L1TD1: variants seen among roughly 807,000 people sequenced by gnomAD.
L1TD1 encodes LINE-1 type transposase domain-containing protein 1.
Under a neutral mutation model 25.7 loss-of-function variants are expected in L1TD1, and 26 were observed. That is an observed-to-expected ratio of 1.01 (90% CI 0.74 to 1.40). L1TD1 has a LOEUF of 1.40. L1TD1 is among the 40% of genes most tolerant of loss of function. L1TD1 has a pLI of 0.00. For synonymous variants in L1TD1, 421 were observed against 335.6 expected (o/e 1.25, Z -2.78); for missense variants, 1,130 against 975.0 (o/e 1.16, Z -2.12).
Position 62,205,433 on chromosome 1 carries a change from A to ATTT in L1TD1, c.-110-1085_-110-1084insTTT, listed in dbSNP as rs1161372604. 4.5e-4 allele frequency among the ~76,000 whole-genome samples: 18 copies of ATTT among 40,076 alleles called. 1 individual carries two copies. The highest frequency in any genetic ancestry group is 1.2e-3 in the Admixed American group (4 of 3,418). The allele number at this position is 40,076 out of a possible 152,430, so 26.3% of individuals were successfully genotyped here. ...TCTCTCTCTCTATATATATATATAT[A>ATTT]TATATATATATTTTTTTTTAGACAG... On this transcript the variant is annotated intron_variant, in intron 2 of 3. Transcript: ENST00000498273.
chr1:62,210,172 AACT>A lies in L1TD1; in HGVS notation c.1402_1404del (p.Thr468del). On this transcript the variant is annotated inframe_deletion, in exon 4 of 4. Transcript: ENST00000498273. ...TTGAGATAACCAGTGATGGCATGGA[AACT>A]ACTTTCATTGACTCTGTAGAGGATT... is the stretch of plus-strand genomic sequence containing the variant. The A allele has an allele frequency of 6.2e-7, 1 of 1,614,072 alleles. No homozygotes were observed. Among genetic ancestry groups the A allele is most frequent in the African/African-American group, 1.3e-5 (1 of 75,034 alleles).
intron 2 of L1TD1, among the ~76,000 whole-genome samples, chr1:62,199,160 G>T (rs1245352267): frequency 6.6e-6 from 1 of 152,024 alleles, no homozygotes; most frequent in South Asian, 2.1e-4. Flanking sequence ...TGTGAAAAAG[G>T]TCACATATAT....
intron 2 of L1TD1, among the ~76,000 whole-genome samples, chr1:62,199,525 T>TA (rs1368623292): frequency 6.6e-6 from 1 of 151,472 alleles, no homozygotes. Flanking sequence ...CAGCATTTGA[T>TA]ACAGTTAACA....
Position 62,210,019 on chromosome 1 carries a change from GGAA to G in L1TD1, c.1257_1259del (p.Glu420del), listed in dbSNP as rs137939193. The G allele has an allele frequency of 4.7e-4, 756 of 1,600,278 alleles. 3 individuals are homozygous for G. In the African/African-American group the frequency reaches 7.0e-3, roughly 15 times the overall value. ...AGGAAGAGCCCTCAGGGCTGGAGGA[GGAA>G]GAAGAAGAAGAGGCTTCAGGGTTGG... is the stretch of plus-strand genomic sequence containing the variant. On this transcript the variant is annotated inframe_deletion, in exon 4 of 4. Transcript: ENST00000498273.
intron 2 of L1TD1, among the ~76,000 whole-genome samples, chr1:62,198,362 G>A (rs1228056814): frequency 1.3e-5 from 2 of 151,386 alleles, no homozygotes; most frequent in Non-Finnish European, 2.9e-5. Flanking sequence ...CCTGTACGTT[G>A]TGAGAGATAC....
chr1:62,199,503 A>AAAAAT (rs1224606701), intron 2 of L1TD1, among the ~76,000 whole-genome samples: 5 of 151,792 alleles, frequency 3.3e-5, no homozygotes, highest in Admixed American at 1.3e-4. Flanking sequence ...TGTATCAAAA[A>AAAAAT]AAAAAAAAAA....
chr1:62,196,159 G>A (rs895206565), intron 1 of L1TD1, among the ~76,000 whole-genome samples: 2 of 152,136 alleles, frequency 1.3e-5, no homozygotes, highest in Non-Finnish European at 2.9e-5. Flanking sequence ...AATTGCAAAA[G>A]GAAAGCGTGC....
In L1TD1 at chr1:62,202,494, C is replaced by T. The variant is rs367700941; in HGVS notation, c.-110-4025C>T. On this transcript the variant is annotated intron_variant, in intron 2 of 3. Coordinates refer to ENST00000498273, the MANE Select transcript of L1TD1 (RefSeq NM_019079.5). ...AAGTTACTTTGTGATAAATGAGTGC[C>T]GTGTTTTTTAAACAATTTTTTGTAA... 1.8e-4 allele frequency among the ~76,000 whole-genome samples: 27 copies of T among 150,570 alleles called. No homozygotes were observed. The East Asian group carries it at 4.5e-3, about 25-fold the overall frequency.
rs766106791 is a variant in L1TD1, at chr1:62,210,041, G to A, written c.1267G>A (p.Gly423Arg). 6.2e-6 allele frequency: 10 copies of A among 1,612,850 alleles called. No homozygotes were observed. In the South Asian group the frequency reaches 7.7e-5, roughly 12 times the overall value. ...LEEEEEEEAS[G>R]LEEDEASGLE... Reference sequence around the variant, plus strand: ...GGAGGAAGAAGAAGAAGAGGCTTCAGGGTTGGAGGAGGATGAGGCCTCAGG... The same window carrying A: ...GGAGGAAGAAGAAGAAGAGGCTTCAAGGTTGGAGGAGGATGAGGCCTCAGG... The change falls in exon 4 of 4, where the codon GGG becomes AGG. Residue 423 changes from glycine (G) to arginine (R), a missense_variant. By Grantham distance (125) the Gly-to-Arg change is moderately radical. Transcript: ENST00000498273.
intron 2 of L1TD1, among the ~76,000 whole-genome samples, chr1:62,201,833 G>A (rs961990910): frequency 6.6e-6 from 1 of 152,146 alleles, no homozygotes; most frequent in Non-Finnish European, 1.5e-5. Context: ...TAGGGGGAGC[G>A]TACATTGCAT....
rs1243440233 is a variant in L1TD1 at position 62,207,173 on chromosome 1, A to T, written c.545A>T (p.Asp182Val). Residue 182 changes from aspartate to valine, a missense_variant, in exon 3 of 4, where the codon GAT (aspartate) becomes GTT (valine). Coordinates refer to ENST00000498273, the MANE Select transcript of L1TD1 (RefSeq NM_019079.5). ...GSMEETLCNI[D>V]DRDGNRNVHL... Reference sequence around the variant, plus strand: ...ATGGAAGAAACCTTATGCAATATAGATGACAGAGATGGAAATCGCAATGTC... The same window carrying T: ...ATGGAAGAAACCTTATGCAATATAGTTGACAGAGATGGAAATCGCAATGTC... 1 of 1,554,832 alleles carries T rather than the reference A, an allele frequency of 6.4e-7. No individual in the cohort carries two copies. Among genetic ancestry groups the T allele is most frequent in the Non-Finnish European group, 8.7e-7 (1 of 1,148,340 alleles).
chr1:62,212,178 G>A lies in L1TD1; in HGVS notation c.*806G>A, dbSNP rs1369176982. 1 of 152,120 alleles carries A rather than the reference G, an allele frequency of 6.6e-6. No individual in the cohort carries two copies. The highest frequency in any genetic ancestry group is 1.5e-5 in the Non-Finnish European group (1 of 68,040). The allele number at this position is 152,120 out of a possible 1,614,324, so 9.4% of individuals were successfully genotyped here. ...AGCAGTTTAGGGGGCCAAGGCAGGT[G>A]GGTCACTTGAGCCCAAGAGTTCAAG... On this transcript the variant is annotated 3_prime_UTR_variant, in exon 4 of 4. Coordinates refer to ENST00000498273, the MANE Select transcript of L1TD1 (RefSeq NM_019079.5).
rs1279563596 is a variant in L1TD1, at chr1:62,211,478, T to C, written c.*106T>C. 4.0e-6 allele frequency: 6 copies of C among 1,488,124 alleles called. No individual in the cohort carries two copies. The African/African-American group carries it at 4.2e-5, about 10-fold the overall frequency. The allele number at this position is 1,488,124 out of a possible 1,614,324, so 92.2% of individuals were successfully genotyped here. ...TCTACCCAGAAGGATGGACAGCTAA[T>C]AGCGTACTTGGGGATGAGGAGCAAG... On this transcript the variant is annotated 3_prime_UTR_variant, in exon 4 of 4. Transcript: ENST00000498273.
intron 2 of L1TD1, among the ~76,000 whole-genome samples, chr1:62,205,441 A>ATTTTTTTTTTTTTTTTTTTTTTTTTTT (rs1447667211): frequency 5.6e-5 from 3 of 53,876 alleles, no homozygotes; most frequent in Non-Finnish European, 1.1e-4. Flanking sequence ...ATATATATAT[A>ATTTTTTTTTTTTTTTTTTTTTTTTTTT]TATTTTTTTT....
intron 3 of L1TD1, among the ~76,000 whole-genome samples, chr1:62,207,866 C>G (rs1309571349): frequency 6.6e-6 from 1 of 152,132 alleles, no homozygotes; most frequent in Admixed American, 6.5e-5. Flanking sequence ...GCATGCACCA[C>G]CACGCCCAGA....
At chr1:62,198,515 G>C (rs377349800) in intron 2 of L1TD1, among the ~76,000 whole-genome samples, 2,217 of 145,602 alleles carry the variant, frequency 0.015, 50 homozygotes, top group African/African-American at 0.054. Context: ...CACACACACC[G>C]ACCCCCCGCC....
intron 2 of L1TD1, among the ~76,000 whole-genome samples, chr1:62,204,340 T>C (rs1670695458): frequency 6.6e-6 from 1 of 152,194 alleles, no homozygotes; most frequent in South Asian, 2.1e-4. Context: ...AGTCTATACA[T>C]TTTCCTCAAA....
intron 2 of L1TD1, among the ~76,000 whole-genome samples, chr1:62,203,377 C>T (rs1409227594): frequency 1.3e-5 from 2 of 152,138 alleles, no homozygotes; most frequent in Non-Finnish European, 2.9e-5. Context: ...CTATTCCCTA[C>T]ATCCACCCAC....
At chr1:62,208,518 T>C (rs994308867) in intron 3 of L1TD1, 3 of 150,886 alleles carry the variant, frequency 2.0e-5, no homozygotes, top group Non-Finnish European at 4.4e-5. Flanking sequence ...CTTGCTCTAT[T>C]GCCCTGGTGG....
Sources: gnomAD v4.1 joint callset for allele counts (sites outside exome capture counted in the v4.1 genomes callset) on GRCh38, gnomAD v4.1.1 for gene constraint, MANE v1.5 for transcripts, NCBI Gene and HGNC (gene_info 2026-07-23, HGNC 2026-07-21) for gene names.